The following DTNA variants were observed in gnomAD, a reference collection of about 807,000 sequenced individuals.
DTNA encodes the protein dystrobrevin alpha, also known as dystrophin-related protein 3.
DTNA carries 43 observed loss-of-function variants against 100.7 expected under a neutral mutation model. The ratio of observed to expected loss-of-function variants is 0.43; its 90% CI spans 0.33 to 0.55. DTNA has a LOEUF of 0.55. Among genes scored for constraint, DTNA ranks in the 20% least tolerant of loss-of-function variants. The probability of loss-of-function intolerance (pLI) is 0.04; values close to 1 mark genes in which losing one functional copy is unlikely to be tolerated. For missense variants in DTNA, 798 were observed against 953.9 expected, an observed-to-expected ratio of 0.84 and a Z score of 2.15; for synonymous variants, 349 against 347.9, an observed-to-expected ratio of 1.00 and a Z score of -0.04.
At chr18:34,843,146 C>G (rs2096302897) in intron 13 of DTNA, among the ~76,000 whole-genome samples, 1 of 151,776 alleles carries the variant, frequency 6.6e-6, no homozygotes, top group Non-Finnish European at 1.5e-5. Flanking sequence ...AGAATTTTTA[C>G]TATTTAAAAA....
rs752966546 is a variant in DTNA at position 34,879,553 on chromosome 18, G to A, written c.1996G>A (p.Val666Ile). The change falls in exon 20 of 23, where the codon GTT becomes ATT. Residue 666 changes from valine (V) to isoleucine (I), a missense_variant and splice_region_variant. Around this residue, in one of 6 missense-constraint regions of DTNA, gnomAD observed 242 missense variants for 238.2 expected, o/e 1.02. Transcript: ENST00000444659. ...SSLVKELNSE[V>I]GSETESNVDS... ...ATTTCTTCAATTGTATCTGCTAGAG[G>A]TTGGGAGTGAAACAGAGAGTAATGT... 9.3e-6 allele frequency: 15 copies of A among 1,613,978 alleles called. No homozygotes were observed. The highest frequency in any genetic ancestry group is 1.3e-5 in the Non-Finnish European group (15 of 1,179,948).
intron 20 of DTNA, among the ~76,000 whole-genome samples, chr18:34,880,092 G>A (rs1011011851): frequency 6.6e-6 from 1 of 152,140 alleles, no homozygotes; most frequent in Non-Finnish European, 1.5e-5. Flanking sequence ...TGCACTTAGA[G>A]GATACCATGA....
chr18:34,817,749 G>A (rs933445794), intron 7 of DTNA, among the ~76,000 whole-genome samples: 2 of 151,714 alleles, frequency 1.3e-5, no homozygotes, highest in East Asian at 1.9e-4. Flanking sequence ...TCTGATATTC[G>A]CTCTCTTCCC....
chr18:34,699,278 G>A (rs2081046438), intron 1 of DTNA, among the ~76,000 whole-genome samples: 2 of 152,082 alleles, frequency 1.3e-5, no homozygotes, highest in Admixed American at 1.3e-4. Context: ...CAGGAATGCT[G>A]ATGTCCTAAG....
At chr18:34,719,554 CTA>C (rs1246315517) in intron 1 of DTNA, among the ~76,000 whole-genome samples, 1 of 152,034 alleles carries the variant, frequency 6.6e-6, no homozygotes, top group Non-Finnish European at 1.5e-5. Context: ...TACTCTTAAT[CTA>C]TGTTAATTTT....
rs185799156 is a variant in DTNA at position 34,680,537 on chromosome 18, C to T, written c.-1-75439C>T. 6.2e-4 allele frequency among the ~76,000 whole-genome samples: 94 copies of T among 152,250 alleles called. 2 individuals are homozygous for T. The East Asian group carries it at 0.012, about 20-fold the overall frequency. On this transcript the variant is annotated intron_variant, in intron 1 of 19. Coordinates refer to the DTNA transcript ENST00000283365. Reference sequence around the variant, plus strand: ...AATAATGCAGCTGACAGAGCATTGGCCACTGTCTAAATCTAATCTGAAAGG... The same window carrying T: ...AATAATGCAGCTGACAGAGCATTGGTCACTGTCTAAATCTAATCTGAAAGG...
intron 17 of DTNA, among the ~76,000 whole-genome samples, chr18:34,873,569 T>G (rs533737263): frequency 4.3e-4 from 65 of 152,272 alleles, no homozygotes; most frequent in Middle Eastern, 3.4e-3. Context: ...GCCCTGCCCC[T>G]CTGACTCCGT....
chr18:34,609,714 T>G (rs1238019005), intron 1 of DTNA, among the ~76,000 whole-genome samples: 7 of 152,148 alleles, frequency 4.6e-5, no homozygotes, highest in Non-Finnish European at 1.0e-4. Flanking sequence ...ATTCCTTCCT[T>G]GTCTACTTGC....
At chr18:34,548,923 C>T (rs1249420084) in intron 1 of DTNA, among the ~76,000 whole-genome samples, 3 of 152,036 alleles carry the variant, frequency 2.0e-5, no homozygotes, top group African/African-American at 7.2e-5. Flanking sequence ...GTGTTCTAGC[C>T]CACTTAGATT....
At chr18:34,662,657 T>C (rs1466769794) in intron 1 of DTNA, among the ~76,000 whole-genome samples, 1 of 152,214 alleles carries the variant, frequency 6.6e-6, no homozygotes, top group Non-Finnish European at 1.5e-5. Context: ...GCTGATATTC[T>C]GATTTACTCA....
chr18:34,758,241 G>T (rs1004779556), intron 2 of DTNA, among the ~76,000 whole-genome samples: 2 of 152,124 alleles, frequency 1.3e-5, no homozygotes, highest in African/African-American at 4.8e-5. Context: ...GTGCTTTCTA[G>T]ACAGGGAGCA....
intron 16 of DTNA, among the ~76,000 whole-genome samples, chr18:34,860,470 C>G (rs1476985561): frequency 1.3e-5 from 2 of 151,984 alleles, no homozygotes; most frequent in Non-Finnish European, 2.9e-5. Flanking sequence ...TTGCAGAAAC[C>G]CTTGTCAGAA....
chr18:34,595,652 C>T (rs1408874822), intron 1 of DTNA, among the ~76,000 whole-genome samples: 1 of 152,126 alleles, frequency 6.6e-6, no homozygotes, highest in Non-Finnish European at 1.5e-5. Context: ...CCTGCTAGTT[C>T]TCATTCATGG....
At chr18:34,779,530 A>C (rs185910967) in intron 3 of DTNA, among the ~76,000 whole-genome samples, 1 of 152,292 alleles carries the variant, frequency 6.6e-6, no homozygotes, top group East Asian at 1.9e-4. Flanking sequence ...CTAATTTCCC[A>C]GGCCCTTTCT....
intron 3 of DTNA, 49 bp downstream of exon 3, chr18:34,766,090 T>G: frequency 6.3e-7 from 1 of 1,583,110 alleles, no homozygotes. Flanking sequence ...ATCCTATAGT[T>G]TACATTTGGT....
chr18:34,860,207 C>T (rs55748252), intron 16 of DTNA, among the ~76,000 whole-genome samples: 13,839 of 141,520 alleles, frequency 0.098, 953 homozygotes, highest in Non-Finnish European at 0.14. Flanking sequence ...CCACCACGCC[C>T]GGCTAATTTT....
At chr18:34,812,243 G>A in intron 6 of DTNA, 130 bp downstream of exon 6, 1 of 1,350,170 alleles carries the variant, frequency 7.4e-7, no homozygotes, top group Non-Finnish European at 1.0e-6. Flanking sequence ...GTATTTTTCA[G>A]CCTCTGGCAA....
intron 1 of DTNA, among the ~76,000 whole-genome samples, chr18:34,730,993 A>G (rs2087993969): frequency 6.6e-6 from 1 of 152,180 alleles, no homozygotes; most frequent in African/African-American, 2.4e-5. Context: ...TAGGAACACA[A>G]ATATTTTCCC....
chr18:34,513,508 T>C (rs2041296102), intron 1 of DTNA: 1 of 152,142 alleles, frequency 6.6e-6, no homozygotes, highest in Non-Finnish European at 1.5e-5. Context: ...CTCTAAATTC[T>C]CATTAGAGAA....
Sources: allele counts gnomAD v4.1 joint callset (sites outside exome capture counted in the v4.1 genomes callset), GRCh38; gene constraint gnomAD v4.1.1; regional missense constraint gnomAD v4.1.1; transcripts MANE v1.5; gene names NCBI Gene and HGNC (gene_info 2026-07-23, HGNC 2026-07-21).